The following WDFY3 variants were observed in gnomAD, a reference collection of about 807,000 sequenced individuals.
WDFY3 encodes the protein WD repeat and FYVE domain containing 3, also known as WD repeat and FYVE domain-containing protein 3.
A neutral mutation model predicts 409.6 loss-of-function variants in WDFY3; 66 were observed. That is an observed-to-expected ratio of 0.16 (90% CI 0.13 to 0.20). WDFY3 has a LOEUF of 0.20. Among genes scored for constraint, WDFY3 ranks in the 10% least tolerant of loss-of-function variants. The pLI is 1.00. For missense variants in WDFY3, 3,031 were observed against 4,298.1 expected (o/e 0.71, Z 8.24); for synonymous variants, 1,521 against 1,537.1 (o/e 0.99, Z 0.25).
intron 33 of WDFY3, among the ~76,000 whole-genome samples, chr4:84,756,334 C>T (rs1431334261): frequency 6.6e-6 from 1 of 152,084 alleles, no homozygotes; most frequent in African/African-American, 2.4e-5. Context: ...CCTGTAATCC[C>T]AGCACTTTGG....
intron 3 of WDFY3, among the ~76,000 whole-genome samples, chr4:84,896,223 T>G (rs1295684802): frequency 1.3e-5 from 2 of 151,612 alleles, no homozygotes; most frequent in Non-Finnish European, 2.9e-5. Context: ...GCCACTACAC[T>G]CCAGCCTGGC....
At chr4:84,807,245 T>C (rs1004826512) in intron 15 of WDFY3, among the ~76,000 whole-genome samples, 3 of 152,110 alleles carry the variant, frequency 2.0e-5, no homozygotes, top group Admixed American at 6.6e-5. Flanking sequence ...ACAGCTTTTT[T>C]AAAAAAAGAA....
chr4:84,959,286 A>G (rs1289449279), intron 1 of WDFY3, among the ~76,000 whole-genome samples: 2 of 152,202 alleles, frequency 1.3e-5, no homozygotes, highest in Non-Finnish European at 2.9e-5. Context: ...GATCTATTCA[A>G]GAATTTTAAG....
intron 53 of WDFY3, among the ~76,000 whole-genome samples, chr4:84,705,885 C>T (rs1731847033): frequency 6.6e-6 from 1 of 152,188 alleles, no homozygotes; most frequent in African/African-American, 2.4e-5. Flanking sequence ...TTAACTTCAT[C>T]ACTCACATAA....
intron 5 of WDFY3, among the ~76,000 whole-genome samples, chr4:84,847,450 T>C (rs1405997501): frequency 2.0e-5 from 3 of 151,498 alleles, no homozygotes; most frequent in African/African-American, 7.3e-5. Flanking sequence ...ACAGATTATT[T>C]ATGGAGACAA....
At chr4:84,822,179 G>C (rs1214478496) in intron 10 of WDFY3, among the ~76,000 whole-genome samples, 2 of 152,114 alleles carry the variant, frequency 1.3e-5, no homozygotes, top group African/African-American at 4.8e-5. Flanking sequence ...CATGGCTCTG[G>C]TGAGGCAAAT....
At chr4:84,694,178 A>G (rs933307725) in intron 58 of WDFY3, among the ~76,000 whole-genome samples, 1 of 152,234 alleles carries the variant, frequency 6.6e-6, no homozygotes, top group African/African-American at 2.4e-5. Flanking sequence ...TTTTATCTAC[A>G]TAAAGGACTA....
At position 84,841,248 on chromosome 4, in the gene WDFY3, G is replaced by A. The variant is rs767658238; in HGVS notation, c.320C>T (p.Ala107Val). 2.5e-6 allele frequency: 4 copies of A among 1,612,532 alleles called. No homozygotes were observed. The Admixed American group carries it at 5.0e-5, about 20-fold the overall frequency. The part of the protein sequence containing the change: ...SNKSTEAASR[A>V]IVQFLEINQS... ...ATTAATCTCTAGGAACTGAACTATG[G>A]CCCGACTTGCAGCCTCTATAAAACC... is the stretch of plus-strand genomic sequence containing the variant. Residue 107 changes from alanine to valine, a missense_variant, in exon 6 of 68, where the codon GCC (alanine) becomes GTC (valine). This residue lies in a region of WDFY3 where 1,322 missense variants were observed against 1,697.9 expected (regional missense o/e 0.78). Coordinates refer to ENST00000295888, the MANE Select transcript of WDFY3 (RefSeq NM_014991.6).
At chr4:84,766,161 T>C (rs1743598178) in intron 31 of WDFY3, 91 bp downstream of exon 31, 1 of 1,496,146 alleles carries the variant, frequency 6.7e-7, no homozygotes, top group Non-Finnish European at 9.0e-7. Flanking sequence ...AAAAAATCTA[T>C]TTAAAGTCAA....
intron 1 of WDFY3, among the ~76,000 whole-genome samples, chr4:84,942,435 C>T (rs984180209): frequency 1.6e-4 from 25 of 152,246 alleles, no homozygotes; most frequent in African/African-American, 6.0e-4. Context: ...AAGCTCACTA[C>T]CATTATTTAT....
intron 15 of WDFY3, among the ~76,000 whole-genome samples, chr4:84,806,078 AAC>A (rs1751453550): frequency 6.6e-6 from 1 of 152,168 alleles, no homozygotes; most frequent in Non-Finnish European, 1.5e-5. Flanking sequence ...AAGCCATAAA[AAC>A]ACAGTCAAAT....
At chr4:84,950,243 T>C (rs1773431486) in intron 1 of WDFY3, among the ~76,000 whole-genome samples, 1 of 149,678 alleles carries the variant, frequency 6.7e-6, no homozygotes, top group African/African-American at 2.5e-5. Flanking sequence ...CATTGGGAGC[T>C]ATCGGGGGTT....
At chr4:84,680,631 A>G (rs1203104002) in intron 64 of WDFY3, among the ~76,000 whole-genome samples, 6 of 152,234 alleles carry the variant, frequency 3.9e-5, no homozygotes, top group Non-Finnish European at 8.8e-5. Flanking sequence ...TGGGTTCCAC[A>G]TCCATGGATT....
chr4:84,842,809 T>A (rs912066888), intron 5 of WDFY3, among the ~76,000 whole-genome samples: 2 of 152,156 alleles, frequency 1.3e-5, no homozygotes, highest in African/African-American at 4.8e-5. Context: ...AAAACTAATG[T>A]ATACTTAACA....
At chr4:84,858,190 G>A (rs2150179154) in intron 4 of WDFY3, among the ~76,000 whole-genome samples, 1 of 152,236 alleles carries the variant, frequency 6.6e-6, no homozygotes, top group South Asian at 2.1e-4. Flanking sequence ...ATTAAGTGCT[G>A]TAAGTATATT....
intron 54 of WDFY3, among the ~76,000 whole-genome samples, chr4:84,704,701 C>T (rs528157132): frequency 5.3e-5 from 8 of 152,284 alleles, no homozygotes; most frequent in Non-Finnish European, 1.0e-4. Flanking sequence ...TGTTTTGAGG[C>T]TTACTATAAT....
Position 84,826,937 on chromosome 4 carries a change from T to C in WDFY3, c.1001A>G (p.Asp334Gly). Reference sequence around the variant, plus strand: ...TAGGGAAGTTATCAGATTAACCAGATCTTTCAAGGCATCTTTGGATTCTGC... The same window carrying C: ...TAGGGAAGTTATCAGATTAACCAGACCTTTCAAGGCATCTTTGGATTCTGC... ...KEAESKDALKDLVNLITSLTT... is the reference protein window; with the variant it reads ...KEAESKDALKGLVNLITSLTT... Residue 334 changes from aspartate (D) to glycine (G), a missense_variant, in exon 10 of 68, where the codon GAT becomes GGT. By Grantham distance (94) the Asp-to-Gly change is moderately conservative. This residue lies in a region of WDFY3 where 1,322 missense variants were observed against 1,697.9 expected (regional missense o/e 0.78). Coordinates refer to ENST00000295888, the MANE Select transcript of WDFY3 (RefSeq NM_014991.6). 6.2e-7 allele frequency: 1 copy of C among 1,609,200 alleles called. No individual in the cohort carries two copies. The highest frequency in any genetic ancestry group is 2.3e-5 in the East Asian group (1 of 44,434).
chr4:84,875,301 CACACAG>C (rs922710925), intron 3 of WDFY3, among the ~76,000 whole-genome samples: 1 of 150,634 alleles, frequency 6.6e-6, no homozygotes, highest in African/African-American at 2.4e-5. Context: ...CACACACACA[CACACAG>C]AACATACAGT....
At chr4:84,929,636 G>A (rs984886460) in intron 2 of WDFY3, among the ~76,000 whole-genome samples, 3 of 152,244 alleles carry the variant, frequency 2.0e-5, no homozygotes, top group East Asian at 1.9e-4. Flanking sequence ...AGGACCGGGC[G>A]TGGTGGCTCA....
Sources: allele counts gnomAD v4.1 joint callset (sites outside exome capture counted in the v4.1 genomes callset), GRCh38; gene constraint gnomAD v4.1.1; regional missense constraint gnomAD v4.1.1; transcripts MANE v1.5; gene names NCBI Gene and HGNC (gene_info 2026-07-23, HGNC 2026-07-21).